ABCB11: variants seen among roughly 807,000 people sequenced by gnomAD.
ABCB11 encodes ATP binding cassette subfamily B member 11.
In ABCB11, 95 loss-of-function variants were observed where a neutral mutation model predicts 148.0. The observed-to-expected ratio is 0.64, with a 90% CI of 0.54 to 0.76. The LOEUF is 0.76. Ranked by LOEUF, ABCB11 falls within the 30% of genes least tolerant of loss-of-function variation. The probability of loss-of-function intolerance (pLI) is 0.00; values close to 1 mark genes in which losing one functional copy is unlikely to be tolerated. For missense variants in ABCB11, 1,523 were observed against 1,617.8 expected (o/e 0.94, Z 1.01); for synonymous variants, 591 against 555.4 (o/e 1.06, Z -0.90).
intron 11 of ABCB11, among the ~76,000 whole-genome samples, chr2:168,977,970 A>T (rs1482358790): frequency 6.6e-6 from 1 of 152,214 alleles, no homozygotes; most frequent in South Asian, 2.1e-4. Flanking sequence ...CTTTAGCTCT[A>T]TTGAGGAGTA....
At chr2:168,947,499 A>C (rs112845133) in intron 19 of ABCB11, among the ~76,000 whole-genome samples, 20 of 151,810 alleles carry the variant, frequency 1.3e-4, no homozygotes, top group African/African-American at 4.8e-4. Context: ...CTGGGCTCCT[A>C]ATAAGGCCCA....
chr2:168,953,020 C>T (rs551429035), intron 19 of ABCB11, among the ~76,000 whole-genome samples: 1 of 151,598 alleles, frequency 6.6e-6, no homozygotes, highest in South Asian at 2.1e-4. Context: ...AGTTTCCAAA[C>T]TTCTTCTTAG....
chr2:168,947,467 T>C (rs1210448667), intron 19 of ABCB11, among the ~76,000 whole-genome samples: 4 of 151,720 alleles, frequency 2.6e-5, no homozygotes, highest in Non-Finnish European at 5.9e-5. Context: ...ACATGTATAT[T>C]GAGGCTTAGC....
At position 168,957,987 on chromosome 2, in the gene ABCB11, A is replaced by AG. The variant is rs1692870573; in HGVS notation, c.2319dup (p.Phe774LeufsTer14). The AG allele has an allele frequency of 1.3e-6, 2 of 1,586,518 alleles. No homozygotes were observed. Among genetic ancestry groups the AG allele is most frequent in the Non-Finnish European group, 1.7e-6 (2 of 1,158,974 alleles). On this transcript the variant is annotated frameshift_variant, in exon 19 of 28. Transcript: ENST00000650372. LOFTEE classifies it high-confidence loss of function. ...ACCCCAAGAATCTGGCTGAATAAAA[A>AG]GGCATACAAGGGTGTGACTGTCCCG...
At chr2:168,980,000 T>A in intron 10 of ABCB11, 21 bp from the exon 11 acceptor site, 4 of 1,450,810 alleles carry the variant, frequency 2.8e-6, no homozygotes, top group Non-Finnish European at 3.9e-6. Flanking sequence ...AAGAGAGAGA[T>A]TTTTCATGTG....
chr2:168,971,875 G>A lies in ABCB11; in HGVS notation c.1610C>T (p.Ala537Val). ...DIVQAAKEAN[A>V]YNFIMDLPQQ... ...TGGCAGGTCCATGATGAAGTTGTAG[G>A]CATTGGCCTCCTTGGCAGCTTGGAC... The change falls in exon 14 of 28, where the codon GCC becomes GTC. Residue 537 changes from alanine (A) to valine (V), a missense_variant. Transcript: ENST00000650372. 6.2e-7 allele frequency: 1 copy of A among 1,612,844 alleles called. No homozygotes were observed. Among genetic ancestry groups the A allele is most frequent in the Non-Finnish European group, 8.5e-7 (1 of 1,179,258 alleles).
At chr2:168,946,160 G>T (rs1386176664) in intron 19 of ABCB11, among the ~76,000 whole-genome samples, 1 of 151,846 alleles carries the variant, frequency 6.6e-6, no homozygotes, top group African/African-American at 2.4e-5. Context: ...GCCAGGTGAG[G>T]GAACTGGGAA....
Position 168,958,465 on chromosome 2 carries a change from G to A in ABCB11, c.2179-337C>T, listed in dbSNP as rs4148798. 8.3e-3 allele frequency among the ~76,000 whole-genome samples: 1,262 copies of A among 151,610 alleles called. 22 individuals carry two copies. The highest frequency in any genetic ancestry group is 0.05 in the Admixed American group (766 of 15,206). On this transcript the variant is annotated intron_variant, in intron 18 of 27. Coordinates refer to ENST00000650372, the MANE Select transcript of ABCB11 (RefSeq NM_003742.4). ...ATTAAAAAAAGAAAACCTTTGCTAC[G>A]GTTGTATTTATACCGGTGAGGACTG... is the stretch of plus-strand genomic sequence containing the variant.
At position 169,012,903 on chromosome 2, in the gene ABCB11, G is replaced by A. The variant is rs1243643106; in HGVS notation, c.389+369C>T. On this transcript the variant is annotated intron_variant, in intron 5 of 27. Coordinates refer to ENST00000650372, the MANE Select transcript of ABCB11 (RefSeq NM_003742.4). ...ACAGCCACAAAGCTAAGGGGCAGAGGGGAGTTGGTGGGGGGGAAAAATAGA... is the reference window on the plus strand; with the variant it reads ...ACAGCCACAAAGCTAAGGGGCAGAGAGGAGTTGGTGGGGGGGAAAAATAGA... 2.6e-5 allele frequency among the ~76,000 whole-genome samples: 4 copies of A among 152,066 alleles called. No individual in the cohort carries two copies. The East Asian group carries it at 7.7e-4, about 29-fold the overall frequency.
intron 19 of ABCB11, among the ~76,000 whole-genome samples, chr2:168,946,084 C>T (rs853785): frequency 0.51 from 77,274 of 151,630 alleles, 20,485 homozygotes; most frequent in South Asian, 0.66. Context: ...AATGAAAGAA[C>T]ATACTCCAAT....
At chr2:169,011,950 C>A (rs1695200740) in intron 5 of ABCB11, among the ~76,000 whole-genome samples, 1 of 152,120 alleles carries the variant, frequency 6.6e-6, no homozygotes, top group Non-Finnish European at 1.5e-5. Flanking sequence ...CAGGCATGAG[C>A]CACCATACCT....
Position 168,980,238 on chromosome 2 carries a change from C to T in ABCB11, c.1084-259G>A, listed in dbSNP as rs12692889. On this transcript the variant is annotated intron_variant, in intron 10 of 27. Transcript: ENST00000650372. ...TTACTCTTCTACAAAGTAGAACTGT[C>T]TTGAAATGAGTAAGAAGTCTAAGCA... Among the ~76,000 whole-genome samples, 86,079 of 151,928 alleles carry T rather than the reference C, an allele frequency of 0.57. 25,095 individuals carry two copies. The highest frequency in any genetic ancestry group is 0.67 in the African/African-American group (27,972 of 41,446).
intron 1 of ABCB11, 112 bp from the exon 2 acceptor site, chr2:169,018,264 T>C: frequency 1.1e-6 from 1 of 951,888 alleles, no homozygotes; most frequent in South Asian, 1.6e-5. Flanking sequence ...TACTAATCAA[T>C]CTCAGACAAA....
At chr2:169,018,711 AG>A (rs1166498214) in intron 1 of ABCB11, among the ~76,000 whole-genome samples, 7 of 152,196 alleles carry the variant, frequency 4.6e-5, no homozygotes, top group Non-Finnish European at 1.0e-4. Context: ...TCTTATTCAC[AG>A]TGGAAAAATT....
At chr2:168,964,095 AAC>A in intron 18 of ABCB11, 109 bp downstream of exon 18, 1 of 698,930 alleles carries the variant, frequency 1.4e-6, no homozygotes, top group Non-Finnish European at 2.4e-6. Context: ...TCTGACTTGA[AAC>A]ACTGCTAGAT....
At chr2:168,955,290 C>T (rs1036831081) in intron 19 of ABCB11, among the ~76,000 whole-genome samples, 2 of 151,608 alleles carry the variant, frequency 1.3e-5, no homozygotes, top group African/African-American at 4.8e-5. Context: ...ACTGTTCTCA[C>T]ACTGCTATTC....
At chr2:168,943,680 CCCT>C (rs1303014231) in intron 21 of ABCB11, among the ~76,000 whole-genome samples, 1 of 151,962 alleles carries the variant, frequency 6.6e-6, no homozygotes, top group East Asian at 1.9e-4. Flanking sequence ...AGGGATTTCC[CCCT>C]AAGTGAAAGG....
intron 6 of ABCB11, among the ~76,000 whole-genome samples, chr2:168,995,923 C>T (rs1573956549): frequency 2.6e-5 from 2 of 75,500 alleles, no homozygotes; most frequent in South Asian, 9.7e-4. Flanking sequence ...AAATGTAAAA[C>T]AAAAATTATG....
intron 19 of ABCB11, among the ~76,000 whole-genome samples, chr2:168,955,509 G>A (rs1441886900): frequency 6.6e-6 from 1 of 151,592 alleles, no homozygotes; most frequent in Non-Finnish European, 1.5e-5. Context: ...ACTATTATGA[G>A]AACAGCAAGG....
Sources: gnomAD v4.1 joint callset for allele counts (sites outside exome capture counted in the v4.1 genomes callset) on GRCh38, gnomAD v4.1.1 for gene constraint, MANE v1.5 for transcripts, NCBI Gene and HGNC (gene_info 2026-07-23, HGNC 2026-07-21) for gene names.